Variants in SLC46A1 observed in about 807,000 individuals in gnomAD.
SLC46A1 encodes the protein proton-coupled folate transporter.
In SLC46A1, 17 loss-of-function variants were observed where a neutral mutation model predicts 32.1. The ratio of observed to expected loss-of-function variants is 0.53; its 90% CI spans 0.36 to 0.79. The LOEUF (loss-of-function observed/expected upper bound fraction) is 0.79. Among genes scored for constraint, SLC46A1 ranks in the 30% least tolerant of loss-of-function variants. The pLI, the probability that SLC46A1 is intolerant of heterozygous loss-of-function variation, is 0.00. For missense variants in SLC46A1, 517 were observed against 588.2 expected, an observed-to-expected ratio of 0.88 and a Z score of 1.25; for synonymous variants, 240 against 262.7, an observed-to-expected ratio of 0.91 and a Z score of 0.84.
At chr17:28,405,674 T>G (rs953401352) in intron 1 of SLC46A1, 6 of 962,020 alleles carry the variant, frequency 6.2e-6, no homozygotes, top group African/African-American at 1.6e-5. Flanking sequence ...CCCCCCCTTT[T>G]GTTAACCTGC....
At position 28,402,310 on chromosome 17, in the gene SLC46A1, G is replaced by A. The variant is rs1347089586; in HGVS notation, c.1093C>T (p.Leu365Phe). Residue 365 changes from leucine to phenylalanine, a missense_variant, in exon 3 of 5, where the codon CTT becomes TTT. Coordinates refer to ENST00000612814, the MANE Select transcript of SLC46A1 (RefSeq NM_080669.6). ...TPLMFTGYGLLFLSLVITPVI... is the reference protein window; with the variant it reads ...TPLMFTGYGLFFLSLVITPVI... ...GGTGTGATGACTAATGACAGGAAAAGCAACCCATATCCTGTGGAGAAACAA... is the reference window on the plus strand; with the variant it reads ...GGTGTGATGACTAATGACAGGAAAAACAACCCATATCCTGTGGAGAAACAA... 3 of 1,613,198 alleles carry A rather than the reference G, an allele frequency of 1.9e-6. No individual in the cohort carries two copies. In the African/African-American group the frequency reaches 4.0e-5, roughly 22 times the overall value.
intron 3 of SLC46A1, chr17:28,401,939 A>T (rs2068201139): frequency 4.3e-6 from 1 of 232,374 alleles, no homozygotes; most frequent in Non-Finnish European, 8.4e-6. Flanking sequence ...CACCACACCC[A>T]TCTTACAGAC....
intron 1 of SLC46A1, 163 bp from the exon 2 acceptor site, chr17:28,405,631 G>T: frequency 8.8e-7 from 1 of 1,132,168 alleles, no homozygotes; most frequent in Non-Finnish European, 1.2e-6. Context: ...GAGGGGGAAG[G>T]ACATGGACCA....
At chr17:28,400,332 G>A (rs2068180619) in intron 4 of SLC46A1, 1 of 440,956 alleles carries the variant, frequency 2.3e-6, no homozygotes, top group Non-Finnish European at 4.2e-6. Context: ...TCTATAAAAT[G>A]GGAATGGAGG....
At position 28,402,281 on chromosome 17, in the gene SLC46A1, G is replaced by A. The variant is rs41297095; in HGVS notation, c.1122C>T (p.Val374=). ...LLFLSLVITP[V]IRAKLSKLVR... is the part of the protein sequence containing the mutation. ...CCAGCTTGGAGAGTTTAGCCCGGAT[G>A]ACAGGTGTGATGACTAATGACAGGA... The change falls in exon 3 of 5, where the codon GTC becomes GTT. Residue 374 remains valine, a synonymous_variant. Transcript: ENST00000612814. The A allele has an allele frequency of 4.3e-6, 7 of 1,613,520 alleles. No individual in the cohort carries two copies. The Admixed American group carries it at 1.2e-4, about 27-fold the overall frequency.
rs1555587881 is a variant in SLC46A1 at position 28,396,133 on chromosome 17, C to T, written c.*3523G>A. 1 of 1,613,936 alleles carries T rather than the reference C, an allele frequency of 6.2e-7. No individual in the cohort carries two copies. Among genetic ancestry groups the T allele is most frequent in the Non-Finnish European group, 8.5e-7 (1 of 1,179,866 alleles). ...AGCTCCCTCTGCCCAGCTGTCTGAA[C>T]CACATTGGCTCCTGTGCCCACAGGT... On this transcript the variant is annotated 3_prime_UTR_variant, in exon 5 of 5. Coordinates refer to ENST00000612814, the MANE Select transcript of SLC46A1 (RefSeq NM_080669.6).
chr17:28,401,086 C>CT (rs1215154844), intron 3 of SLC46A1: 5 of 372,418 alleles, frequency 1.3e-5, no homozygotes, highest in South Asian at 2.3e-5. Context: ...ATGGAAATGG[C>CT]TTTTTTCTGG....
chr17:28,403,591 G>A (rs1555590115), intron 2 of SLC46A1: 1 of 152,160 alleles, frequency 6.6e-6, no homozygotes, highest in Non-Finnish European at 1.5e-5. Flanking sequence ...GCCATCAGCA[G>A]GAGGGAAAGG....
At chr17:28,405,640 C>A in intron 1 of SLC46A1, 172 bp from the exon 2 acceptor site, 1 of 1,063,180 alleles carries the variant, frequency 9.4e-7, no homozygotes, top group Non-Finnish European at 1.3e-6. Flanking sequence ...GGACATGGAC[C>A]AAGGCCCCAT....
chr17:28,404,618 G>A lies in SLC46A1; in HGVS notation c.1079C>T (p.Thr360Ile). 1 of 1,610,186 alleles carries A rather than the reference G, an allele frequency of 6.2e-7. No homozygotes were observed. The highest frequency in any genetic ancestry group is 8.5e-7 in the Non-Finnish European group (1 of 1,177,256). The change falls in exon 2 of 5, where the codon ACA becomes ATA. Residue 360 changes from threonine to isoleucine, a missense_variant and splice_region_variant. By Grantham distance (89) the Thr-to-Ile change is moderately conservative. Transcript: ENST00000612814. ...AFATITPLMF[T>I]GYGLLFLSLV... The stretch of plus-strand genomic sequence containing the variant: ...GTCCCTGAGCCCACACACTTTACCT[G>A]TGAACATGAGAGGCGTGATAGTGGC...
rs8081240 is a variant in SLC46A1 at position 28,395,709 on chromosome 17, C to T, written c.*3947G>A. Reference sequence around the variant, plus strand: ...TCCAAGGGTTTTAGCAGCTCTGTGCCAGGAACTCTGGGCAAAGGAAAAATA... The same window carrying T: ...TCCAAGGGTTTTAGCAGCTCTGTGCTAGGAACTCTGGGCAAAGGAAAAATA... On this transcript the variant is annotated 3_prime_UTR_variant, in exon 5 of 5. Coordinates refer to ENST00000612814, the MANE Select transcript of SLC46A1 (RefSeq NM_080669.6). 0.57 allele frequency: 335,904 copies of T among 585,312 alleles called. 98,201 individuals are homozygous for T. Among genetic ancestry groups the T allele is most frequent in the East Asian group, 0.75 (25,566 of 34,208 alleles). The allele number at this position is 585,312 out of a possible 1,614,324, so 36.3% of individuals were successfully genotyped here. A position where few individuals can be genotyped will look rare whatever the true frequency, so the allele number is the denominator to read the frequency against.
At chr17:28,404,477 G>A (rs1555590345) in intron 2 of SLC46A1, 139 bp downstream of exon 2, 3 of 1,112,306 alleles carry the variant, frequency 2.7e-6, no homozygotes, top group Non-Finnish European at 3.9e-6. Flanking sequence ...TTAGTTGTCT[G>A]TTCTCCAGTG....
In SLC46A1 at chr17:28,404,992, C is replaced by A. The variant is rs1555590643; in HGVS notation, c.705G>T (p.Lys235Asn). 6.2e-7 allele frequency: 1 copy of A among 1,613,998 alleles called. No homozygotes were observed. Among genetic ancestry groups the A allele is most frequent in the Non-Finnish European group, 8.5e-7 (1 of 1,179,890 alleles). Residue 235 changes from lysine (K) to asparagine (N), a missense_variant, in exon 2 of 5, where the codon AAG becomes AAT. Coordinates refer to ENST00000612814, the MANE Select transcript of SLC46A1 (RefSeq NM_080669.6). Reference sequence around the variant, plus strand: ...TGAAGAGCCGGGTGGACTTTGGCTCCTTTAAGGTCTCACCAAAGCAGAAAG... The same window carrying A: ...TGAAGAGCCGGGTGGACTTTGGCTCATTTAAGGTCTCACCAAAGCAGAAAG... ...YAAFCFGETLKEPKSTRLFTF... is the reference protein window; with the variant it reads ...YAAFCFGETLNEPKSTRLFTF...
At position 28,400,646 on chromosome 17, in the gene SLC46A1, C is replaced by T. The variant is rs782595969; in HGVS notation, c.1286G>A (p.Gly429Glu). The T allele has an allele frequency of 1.2e-6, 2 of 1,613,704 alleles. No homozygotes were observed. Among genetic ancestry groups the T allele is most frequent in the Non-Finnish European group, 1.7e-6 (2 of 1,179,796 alleles). ...NFMKGFPFLL[G>E]AGLLLIPAVL... ...AGCCGGGATGAGCAGGAGGCCAGCTCCCAGGAGGAAGGGGAACCCCTTCAT... is the reference window on the plus strand; with the variant it reads ...AGCCGGGATGAGCAGGAGGCCAGCTTCCAGGAGGAAGGGGAACCCCTTCAT... Residue 429 changes from glycine to glutamate, a missense_variant, in exon 4 of 5, where the codon GGA (glycine) becomes GAA (glutamate). Physicochemically the swap from Gly to Glu is moderately conservative, Grantham distance 98. Coordinates refer to ENST00000612814, the MANE Select transcript of SLC46A1 (RefSeq NM_080669.6).
chr17:28,402,320 T>A lies in SLC46A1; in HGVS notation c.1083A>T (p.Gly361=). 6.2e-7 allele frequency: 1 copy of A among 1,612,716 alleles called. No individual in the cohort carries two copies. The highest frequency in any genetic ancestry group is 8.5e-7 in the Non-Finnish European group (1 of 1,179,418). ...CTAATGACAGGAAAAGCAACCCATA[T>A]CCTGTGGAGAAACAAACACTCATCA... ...FATITPLMFT[G]YGLLFLSLVI... Residue 361 remains glycine, a splice_region_variant and synonymous_variant, in exon 3 of 5, where the codon GGA becomes GGT. Coordinates refer to ENST00000612814, the MANE Select transcript of SLC46A1 (RefSeq NM_080669.6).
chr17:28,395,854 G>T lies in SLC46A1; in HGVS notation c.*3802C>A, dbSNP rs2068114875. 2 of 1,605,376 alleles carry T rather than the reference G, an allele frequency of 1.2e-6. No individual in the cohort carries two copies. Among genetic ancestry groups the T allele is most frequent in the Admixed American group, 1.7e-5 (1 of 59,940 alleles). ...CTCCCAGCACCTGCCTGGCTACAAG[G>T]GTCCCTAGATGGGTACAGGGGTATC... On this transcript the variant is annotated 3_prime_UTR_variant, in exon 5 of 5. Coordinates refer to ENST00000612814, the MANE Select transcript of SLC46A1 (RefSeq NM_080669.6).
chr17:28,400,856 A>T, intron 3 of SLC46A1, 90 bp from the exon 4 acceptor site: 1 of 1,212,172 alleles, frequency 8.2e-7, no homozygotes, highest in South Asian at 1.3e-5. Context: ...GACCGGGAGT[A>T]GTCACTTAAC....
intron 2 of SLC46A1, 95 bp from the exon 3 acceptor site, chr17:28,402,416 G>C: frequency 9.9e-7 from 1 of 1,012,132 alleles, no homozygotes; most frequent in East Asian, 2.6e-5. Context: ...CCCACGTGGG[G>C]CTTAGGTTAG....
chr17:28,399,509 GTC>G lies in SLC46A1; in HGVS notation c.*145_*146del. On this transcript the variant is annotated 3_prime_UTR_variant, in exon 5 of 5. Transcript: ENST00000612814. ...CAGCTGTGGATGGGGTGGTGCCTTG[GTC>G]TCTCTTGACTACCTCGTCCAAAGAG... is the stretch of plus-strand genomic sequence containing the variant. 1 of 751,886 alleles carries G rather than the reference GTC, an allele frequency of 1.3e-6. No individual in the cohort carries two copies. The highest frequency in any genetic ancestry group is 1.7e-5 in the South Asian group (1 of 57,490). 46.6% of individuals were successfully genotyped at this position (751,886 alleles called of 1,614,324 possible).
Sources: allele counts gnomAD v4.1 joint callset, GRCh38; gene constraint gnomAD v4.1.1; transcripts MANE v1.5; gene names NCBI Gene and HGNC (gene_info 2026-07-23, HGNC 2026-07-21).